Variants in GCH1 observed in about 807,000 individuals in gnomAD.
GCH1 encodes GTP cyclohydrolase 1.
GCH1 carries 5 observed loss-of-function variants against 25.9 expected under a neutral mutation model. The observed-to-expected ratio is 0.19, with a 90% confidence interval of 0.10 to 0.41. The LOEUF (loss-of-function observed/expected upper bound fraction) is 0.41. Ranked by LOEUF, GCH1 falls within the 10% of genes least tolerant of loss-of-function variation. The pLI is 1.00. For missense variants in GCH1, 261 were observed against 336.5 expected (o/e 0.78, Z 1.75); for synonymous variants, 159 against 129.6 (o/e 1.23, Z -1.54).
At chr14:54,900,869 A>T (rs1018442324) in intron 1 of GCH1, among the ~76,000 whole-genome samples, 3 of 151,806 alleles carry the variant, frequency 2.0e-5, no homozygotes, top group Non-Finnish European at 2.9e-5. Flanking sequence ...ACACACACAC[A>T]CACACACACA....
intron 1 of GCH1, among the ~76,000 whole-genome samples, chr14:54,889,842 A>G (rs999645445): frequency 2.0e-5 from 3 of 152,242 alleles, no homozygotes; most frequent in African/African-American, 4.8e-5. Flanking sequence ...TAAACTATGC[A>G]CTAAACTAAA....
chr14:54,844,199 T>A, intron 5 of GCH1, 56 bp from the exon 6 acceptor site: 1 of 1,200,682 alleles, frequency 8.3e-7, no homozygotes, highest in Non-Finnish European at 1.2e-6. Flanking sequence ...CTGGTTTGGT[T>A]TTTAAAAGCA....
chr14:54,862,362 C>A (rs9671455), intron 2 of GCH1, among the ~76,000 whole-genome samples: 3 of 147,856 alleles, frequency 2.0e-5, no homozygotes, highest in African/African-American at 7.6e-5. Flanking sequence ...TCTTCAGCAC[C>A]CTTATGAAGC....
intron 3 of GCH1, among the ~76,000 whole-genome samples, chr14:54,859,019 G>C (rs1594982325): frequency 6.6e-6 from 1 of 152,250 alleles, no homozygotes; most frequent in Non-Finnish European, 1.5e-5. Context: ...TGAGAGCGAG[G>C]AGCGTGAACA....
At chr14:54,878,924 G>A (rs779512889) in intron 1 of GCH1, among the ~76,000 whole-genome samples, 1 of 152,038 alleles carries the variant, frequency 6.6e-6, no homozygotes, top group Non-Finnish European at 1.5e-5. Flanking sequence ...ACCATATCCA[G>A]TTAATTTTTT....
chr14:54,897,379 C>A (rs1292836239), intron 1 of GCH1, among the ~76,000 whole-genome samples: 2 of 151,376 alleles, frequency 1.3e-5, no homozygotes, highest in Non-Finnish European at 2.9e-5. Flanking sequence ...ATTTCCGCCT[C>A]CTGGGTTCAA....
intron 3 of GCH1, among the ~76,000 whole-genome samples, chr14:54,849,169 A>G (rs868838571): frequency 3.9e-5 from 6 of 152,334 alleles, no homozygotes; most frequent in Middle Eastern, 6.8e-3. Flanking sequence ...GAACATTCCC[A>G]TAGATTTTTA....
intron 5 of GCH1, 131 bp downstream of exon 5, chr14:54,845,637 G>A (rs531207180): frequency 1.4e-6 from 1 of 738,398 alleles, no homozygotes; most frequent in Admixed American, 1.9e-5. Context: ...TTTAGGCTCA[G>A]GGATGGAAAT....
At chr14:54,894,127 T>G (rs10134429) in intron 1 of GCH1, among the ~76,000 whole-genome samples, 5,873 of 152,186 alleles carry the variant, frequency 0.039, 419 homozygotes, top group African/African-American at 0.13. Flanking sequence ...ATTGTGCCAT[T>G]CGCCAAAAAA....
At chr14:54,875,533 G>A (rs966534745) in intron 1 of GCH1, among the ~76,000 whole-genome samples, 2 of 152,154 alleles carry the variant, frequency 1.3e-5, no homozygotes, top group African/African-American at 4.8e-5. Flanking sequence ...AGGGTGAACA[G>A]GCAACCTACA....
intron 5 of GCH1, among the ~76,000 whole-genome samples, chr14:54,844,876 A>G (rs570193646): frequency 3.3e-5 from 5 of 152,350 alleles, no homozygotes; most frequent in Middle Eastern, 3.4e-3. Flanking sequence ...AATCAAGAGA[A>G]GACATAAAAA....
rs1005187364 is a variant in GCH1 at position 54,863,727 on chromosome 14, C to T, written c.453+1600G>A. 5.3e-5 allele frequency among the ~76,000 whole-genome samples: 8 copies of T among 151,894 alleles called. No individual in the cohort carries two copies. The East Asian group carries it at 1.2e-3, about 22-fold the overall frequency. On this transcript the variant is annotated intron_variant, in intron 2 of 5. Transcript: ENST00000491895. ...TACATATAGTTGAAAAACAAGAAAACGAATCCATAGGGTTATAAGTTGATA... is the reference window on the plus strand; with the variant it reads ...TACATATAGTTGAAAAACAAGAAAATGAATCCATAGGGTTATAAGTTGATA...
intron 3 of GCH1, among the ~76,000 whole-genome samples, chr14:54,852,625 A>AT (rs961447993): frequency 2.6e-5 from 4 of 151,972 alleles, no homozygotes; most frequent in Admixed American, 1.3e-4. Flanking sequence ...CCAGCAAGGA[A>AT]TTTTTTTTTC....
In GCH1 at chr14:54,868,596, A is replaced by C. The variant is rs532894136; in HGVS notation, c.344-3160T>G. Among the ~76,000 whole-genome samples, 27 of 152,190 alleles carry C rather than the reference A, an allele frequency of 1.8e-4. No individual in the cohort carries two copies. In the South Asian group the frequency reaches 2.5e-3, roughly 14 times the overall value. ...AATATTACTTTTTAAAATAAAGTATATTTTTATTATTTTTTCTTTTTTTGA... is the reference window on the plus strand; with the variant it reads ...AATATTACTTTTTAAAATAAAGTATCTTTTTATTATTTTTTCTTTTTTTGA... On this transcript the variant is annotated intron_variant, in intron 1 of 5. Coordinates refer to ENST00000491895, the MANE Select transcript of GCH1 (RefSeq NM_000161.3).
At position 54,893,327 on chromosome 14, in the gene GCH1, T is replaced by A. The variant is rs116626090; in HGVS notation, c.343+8994A>T. ...CCAGGATTCATAATCTGGGATCCAA[T>A]GATTAGACAGTTGCCCTCTCCTGGT... On this transcript the variant is annotated intron_variant, in intron 1 of 5. Coordinates refer to ENST00000491895, the MANE Select transcript of GCH1 (RefSeq NM_000161.3). Among the ~76,000 whole-genome samples the A allele has an allele frequency of 3.7e-3, 566 of 152,310 alleles. 3 individuals are homozygous for A. The highest frequency in any genetic ancestry group is 0.013 in the African/African-American group (535 of 41,572).
chr14:54,855,505 C>CAAAAAAAAAAAAAAAAAAAAAAAA lies in GCH1; in HGVS notation c.509+4152_509+4175dup, dbSNP rs764999718. Among the ~76,000 whole-genome samples the CAAAAAAAAAAAAAAAAAAAAAAAA allele has an allele frequency of 1.6e-4, 6 of 36,418 alleles. 1 individual carries two copies. The highest frequency in any genetic ancestry group is 1.1e-3 in the African/African-American group (6 of 5,646). 23.9% of individuals were successfully genotyped at this position (36,418 alleles called of 152,430 possible). On this transcript the variant is annotated intron_variant, in intron 3 of 5. Transcript: ENST00000491895. ...TGGGCGACAGAGAAAGACCCTGTCT[C>CAAAAAAAAAAAAAAAAAAAAAAAA]AAAAAAAAAAAAAAAAAAAAAAAAG...
chr14:54,845,868 G>A lies in GCH1; in HGVS notation c.542-16C>T, dbSNP rs2039635608. 1.4e-6 allele frequency: 2 copies of A among 1,455,616 alleles called. No individual in the cohort carries two copies. Among genetic ancestry groups the A allele is most frequent in the Non-Finnish European group, 1.9e-6 (2 of 1,035,486 alleles). 90.2% of individuals were successfully genotyped at this position (1,455,616 alleles called of 1,614,324 possible). A position where few individuals can be genotyped will look rare whatever the true frequency, so the allele number is the denominator to read the frequency against. Reference sequence around the variant, plus strand: ...CGCTCCTGAACTGTGGATGTGATAAGGAGCTCAGTTTGAGAGTCTGACACA... The same window carrying A: ...CGCTCCTGAACTGTGGATGTGATAAAGAGCTCAGTTTGAGAGTCTGACACA... On this transcript the variant is annotated splice_polypyrimidine_tract_variant and intron_variant, in intron 4 of 5. Transcript: ENST00000491895.
Position 54,902,698 on chromosome 14 carries a change from C to A in GCH1, c.-35G>T, listed in dbSNP as rs1055284835. 2.1e-6 allele frequency: 3 copies of A among 1,418,342 alleles called. No homozygotes were observed. In the African/African-American group the frequency reaches 4.5e-5, roughly 21 times the overall value. 87.9% of individuals were successfully genotyped at this position (1,418,342 alleles called of 1,614,324 possible). A position where few individuals can be genotyped will look rare whatever the true frequency, so the allele number is the denominator to read the frequency against. ...GCAGCCGCTGCCGTTCGGGAAGGAC[C>A]CCGGGGCGCTTCGAGGTCTGCGGCT... On this transcript the variant is annotated 5_prime_UTR_variant, in exon 1 of 6. Transcript: ENST00000491895.
intron 3 of GCH1, among the ~76,000 whole-genome samples, chr14:54,855,527 A>AAAAAAAAAAAAAAAC: frequency 1.3e-5 from 2 of 149,654 alleles, no homozygotes; most frequent in Admixed American, 6.6e-5. Flanking sequence ...AAAAAAAAAA[A>AAAAAAAAAAAAAAAC]AAGCTGGCCG....
Sources: gnomAD v4.1 joint callset for allele counts (sites outside exome capture counted in the v4.1 genomes callset) on GRCh38, gnomAD v4.1.1 for gene constraint, MANE v1.5 for transcripts, NCBI Gene and HGNC (gene_info 2026-07-23, HGNC 2026-07-21) for gene names.